The following CNTNAP2 variants were observed in gnomAD, a reference collection of about 807,000 sequenced individuals.
CNTNAP2 encodes the protein contactin-associated protein-like 2.
Under a neutral mutation model 155.2 loss-of-function variants are expected in CNTNAP2, and 98 were observed. The ratio of observed to expected loss-of-function variants is 0.63; its 90% CI spans 0.54 to 0.75. CNTNAP2 has a LOEUF of 0.75. CNTNAP2 is among the 30% of genes least tolerant of loss of function. The probability of loss-of-function intolerance (pLI) is 0.00; values close to 1 mark genes in which losing one functional copy is unlikely to be tolerated. For synonymous variants in CNTNAP2, 651 were observed against 631.2 expected (o/e 1.03, Z -0.47); for missense variants, 1,727 against 1,688.1 (o/e 1.02, Z -0.40).
chr7:147,038,717 A>C (rs1720623076), intron 3 of CNTNAP2, among the ~76,000 whole-genome samples: 1 of 152,166 alleles, frequency 6.6e-6, no homozygotes, highest in Non-Finnish European at 1.5e-5. Flanking sequence ...CCTCTGAAGC[A>C]CTTGTGGCCA....
At chr7:147,837,416 C>T (rs564104741) in intron 13 of CNTNAP2, among the ~76,000 whole-genome samples, 1 of 152,234 alleles carries the variant, frequency 6.6e-6, no homozygotes, top group Admixed American at 6.5e-5. Context: ...ATTGTGGGAG[C>T]TACAATTCAA....
intron 1 of CNTNAP2, among the ~76,000 whole-genome samples, chr7:146,335,318 T>C (rs1801256172): frequency 6.6e-6 from 1 of 152,232 alleles, no homozygotes; most frequent in Non-Finnish European, 1.5e-5. Flanking sequence ...TACATTTTAT[T>C]ACATGTAAAT....
intron 15 of CNTNAP2, among the ~76,000 whole-genome samples, chr7:148,079,067 G>A (rs1803549350): frequency 6.6e-6 from 1 of 152,100 alleles, no homozygotes; most frequent in Admixed American, 6.6e-5. Context: ...TGTATGGCAT[G>A]TGACTTGCCT....
At chr7:148,085,070 A>G (rs1031867478) in intron 15 of CNTNAP2, among the ~76,000 whole-genome samples, 1 of 152,236 alleles carries the variant, frequency 6.6e-6, no homozygotes, top group Non-Finnish European at 1.5e-5. Flanking sequence ...GATGTCTATG[A>G]ATTAATGCTC....
chr7:147,170,151 G>A (rs1482868474), intron 8 of CNTNAP2, among the ~76,000 whole-genome samples: 2 of 152,098 alleles, frequency 1.3e-5, no homozygotes, highest in Admixed American at 1.3e-4. Context: ...GGCCACACAA[G>A]ACTCTGTGCA....
intron 1 of CNTNAP2, among the ~76,000 whole-genome samples, chr7:146,164,924 G>A (rs923122799): frequency 1.2e-4 from 19 of 152,144 alleles, no homozygotes; most frequent in African/African-American, 4.3e-4. Flanking sequence ...GAAAAGATAA[G>A]CAGTTTATGT....
At chr7:147,488,129 GTCT>G (rs1337233989) in intron 11 of CNTNAP2, among the ~76,000 whole-genome samples, 1 of 152,182 alleles carries the variant, frequency 6.6e-6, no homozygotes, top group African/African-American at 2.4e-5. Context: ...ACTTGATACA[GTCT>G]TACTTATCCA....
At chr7:147,719,130 G>C (rs1796526244) in intron 13 of CNTNAP2, among the ~76,000 whole-genome samples, 1 of 152,088 alleles carries the variant, frequency 6.6e-6, no homozygotes, top group African/African-American at 2.4e-5. Context: ...AAATACTAAT[G>C]GGTGCTCTTG....
At chr7:147,243,016 T>TTTTTTTTTTA (rs1803977056) in intron 8 of CNTNAP2, among the ~76,000 whole-genome samples, 1 of 121,004 alleles carries the variant, frequency 8.3e-6, no homozygotes, top group African/African-American at 3.0e-5. Context: ...TTTTTTTTTT[T>TTTTTTTTTTA]GAGAGGGAGT....
At chr7:146,507,712 A>G (rs527264550) in intron 1 of CNTNAP2, among the ~76,000 whole-genome samples, 17 of 152,302 alleles carry the variant, frequency 1.1e-4, no homozygotes, top group African/African-American at 3.1e-4. Flanking sequence ...GCCAAACTGC[A>G]TGCTGCCAAA....
At chr7:146,884,212 T>A (rs186901861) in intron 3 of CNTNAP2, among the ~76,000 whole-genome samples, 2 of 152,302 alleles carry the variant, frequency 1.3e-5, no homozygotes, top group East Asian at 3.9e-4. Flanking sequence ...TATGTGGGTT[T>A]TGGATCCAGA....
chr7:148,414,112 C>A lies in CNTNAP2; in HGVS notation c.3797-1305C>A, dbSNP rs1235211836. On this transcript the variant is annotated intron_variant, in intron 23 of 23. Transcript: ENST00000361727. ...TTTTAGACAGAGTCCCCCCCCCCCC[C>A]CTCACACAAGCTGGAGTGCAGTGGC... 2.0e-4 allele frequency among the ~76,000 whole-genome samples: 16 copies of A among 80,394 alleles called. 1 individual carries two copies. The highest frequency in any genetic ancestry group is 0.014 in the Middle Eastern group (2 of 144). 52.7% of individuals were successfully genotyped at this position (80,394 alleles called of 152,430 possible).
At chr7:146,855,337 A>G (rs1307522107) in intron 3 of CNTNAP2, among the ~76,000 whole-genome samples, 2 of 152,210 alleles carry the variant, frequency 1.3e-5, no homozygotes, top group Admixed American at 6.5e-5. Flanking sequence ...CTAGGAATTT[A>G]GTCTAATTAT....
intron 3 of CNTNAP2, among the ~76,000 whole-genome samples, chr7:146,932,531 C>CA (rs1401416817): frequency 1.1e-4 from 16 of 152,126 alleles, no homozygotes; most frequent in Admixed American, 6.5e-5. Context: ...TGGCACAAGA[C>CA]AGGGATGCCC....
At chr7:147,531,226 T>C (rs1393837200) in intron 11 of CNTNAP2, among the ~76,000 whole-genome samples, 1 of 152,102 alleles carries the variant, frequency 6.6e-6, no homozygotes, top group African/African-American at 2.4e-5. Flanking sequence ...ATCTAACATT[T>C]TGGGGTCTGG....
At chr7:146,323,760 T>C (rs988859687) in intron 1 of CNTNAP2, among the ~76,000 whole-genome samples, 1 of 152,136 alleles carries the variant, frequency 6.6e-6, no homozygotes, top group Non-Finnish European at 1.5e-5. Flanking sequence ...AGGAATAGCT[T>C]GTACCTATTC....
At chr7:146,669,870 T>C (rs935625747) in intron 1 of CNTNAP2, among the ~76,000 whole-genome samples, 6 of 152,228 alleles carry the variant, frequency 3.9e-5, no homozygotes, top group African/African-American at 1.4e-4. Context: ...AACCGTTTTT[T>C]CATGTTCTTT....
At chr7:147,319,777 G>C (rs1795312201) in intron 9 of CNTNAP2, among the ~76,000 whole-genome samples, 1 of 152,126 alleles carries the variant, frequency 6.6e-6, no homozygotes, top group African/African-American at 2.4e-5. Context: ...TATTAGGATA[G>C]TCTTCAGCTA....
At chr7:147,326,445 A>G (rs2692133) in intron 9 of CNTNAP2, among the ~76,000 whole-genome samples, 54,688 of 152,132 alleles carry the variant, frequency 0.36, 10,197 homozygotes, top group African/African-American at 0.45. Context: ...TCATGCATCA[A>G]TGAACATTTG....
Sources: gnomAD v4.1 joint callset for allele counts (sites outside exome capture counted in the v4.1 genomes callset) on GRCh38, gnomAD v4.1.1 for gene constraint, MANE v1.5 for transcripts, NCBI Gene and HGNC (gene_info 2026-07-23, HGNC 2026-07-21) for gene names.